Variants in LANCL3 observed in about 807,000 individuals in gnomAD.
LANCL3 encodes LanC like family member 3, also known as lanC-like protein 3.
Under a neutral mutation model 26.5 loss-of-function variants are expected in LANCL3, and 19 were observed. That is an observed-to-expected ratio of 0.72 (90% CI 0.50 to 1.05). The LOEUF (loss-of-function observed/expected upper bound fraction) is 1.05, where lower values mean the gene tolerates loss of function less well. LANCL3 is among the 50% of genes least tolerant of loss of function. The probability of loss-of-function intolerance (pLI) is 0.00; values close to 1 mark genes in which losing one functional copy is unlikely to be tolerated. For synonymous variants in LANCL3, 160 were observed against 166.6 expected (o/e 0.96, Z 0.30); for missense variants, 318 against 362.7 (o/e 0.88, Z 1.00).
rs782776009 is a variant in LANCL3, at chrX:37,574,917, A to G, written c.573+2474A>G. Among the ~76,000 whole-genome samples, 278 of 105,372 alleles carry G rather than the reference A, an allele frequency of 2.6e-3. 1 individual carries two copies. The highest frequency in any genetic ancestry group is 6.5e-3 in the African/African-American group (188 of 29,036). The allele number at this position is 105,372 out of a possible 115,157, so 91.5% of individuals were successfully genotyped here. On this transcript the variant is annotated intron_variant, in intron 1 of 4. Transcript: ENST00000378619. ...TGTGTGTGTGTGTGTGTGTGTATGT[A>G]TATATATATATATATAATTTTTTTT...
chrX:37,606,011 TG>T (rs1924705268), intron 1 of LANCL3, among the ~76,000 whole-genome samples: 1 of 111,838 alleles, frequency 8.9e-6, no homozygotes, highest in Non-Finnish European at 1.9e-5. Context: ...AGGACTCATA[TG>T]GTTATAGCCA....
chrX:37,610,150 A>G (rs1569464245), intron 1 of LANCL3, among the ~76,000 whole-genome samples: 1 of 112,024 alleles, frequency 8.9e-6, no homozygotes, highest in African/African-American at 3.2e-5. Context: ...GCTCATTCAC[A>G]TGGGTGGCAA....
chrX:37,618,139 C>G (rs1164232621), intron 1 of LANCL3, among the ~76,000 whole-genome samples: 4 of 112,096 alleles, frequency 3.6e-5, no homozygotes, highest in Admixed American at 1.9e-4. Context: ...CAGGAGGCCA[C>G]AAGGCATTCA....
chrX:37,588,686 T>C (rs112089752), intron 1 of LANCL3, among the ~76,000 whole-genome samples: 2,041 of 111,781 alleles, frequency 0.018, 67 homozygotes, highest in African/African-American at 0.064. Flanking sequence ...TCTGAATAGC[T>C]TTAACCATTC....
chrX:37,588,184 T>G (rs1168611545), intron 1 of LANCL3, among the ~76,000 whole-genome samples: 2 of 112,094 alleles, frequency 1.8e-5, no homozygotes, highest in East Asian at 5.6e-4. Context: ...ACACTTTTGC[T>G]GGTTAATTTA....
intron 3 of LANCL3, among the ~76,000 whole-genome samples, chrX:37,662,915 G>T (rs1926457447): frequency 9.1e-6 from 1 of 109,815 alleles, no homozygotes; most frequent in African/African-American, 3.3e-5. Context: ...GTTTTGCGAG[G>T]TCACTTCCAT....
intron 1 of LANCL3, among the ~76,000 whole-genome samples, chrX:37,583,567 C>G (rs1185489448): frequency 1.8e-5 from 2 of 111,625 alleles, no homozygotes; most frequent in African/African-American, 6.5e-5. Flanking sequence ...GTATTTTATT[C>G]TCTTTGAAGC....
intron 1 of LANCL3, among the ~76,000 whole-genome samples, chrX:37,647,329 AAAAAAC>A (rs1330342079): frequency 3.6e-5 from 4 of 109,744 alleles, no homozygotes; most frequent in African/African-American, 1.4e-4. Context: ...CAAAAAAACA[AAAAAAC>A]AAAACAAAAC....
chrX:37,596,275 A>T (rs1213396967), intron 1 of LANCL3, among the ~76,000 whole-genome samples: 1 of 112,440 alleles, frequency 8.9e-6, no homozygotes, highest in African/African-American at 3.2e-5. Context: ...TTGAACAAAG[A>T]TAACTCCCTA....
At chrX:37,633,160 T>A (rs370066622) in intron 1 of LANCL3, among the ~76,000 whole-genome samples, 3 of 109,990 alleles carry the variant, frequency 2.7e-5, no homozygotes, top group Admixed American at 9.7e-5. Flanking sequence ...TTTTTTTTTT[T>A]TTATTCTTTT....
chrX:37,655,627 T>C lies in LANCL3; in HGVS notation c.574-61T>C, dbSNP rs189382584. 11 of 1,031,702 alleles carry C rather than the reference T, an allele frequency of 1.1e-5. No homozygotes were observed. In the Admixed American group the frequency reaches 3.7e-4, roughly 34 times the overall value. The allele number at this position is 1,031,702 out of a possible 1,213,427, so 85.0% of individuals were successfully genotyped here. On this transcript the variant is annotated intron_variant, in intron 1 of 4. Coordinates refer to ENST00000378619, the MANE Select transcript of LANCL3 (RefSeq NM_001170331.2). The stretch of plus-strand genomic sequence containing the variant: ...TGCTAGACTTCTTAAGCAAGAAAAT[T>C]CAGTGTCTAAGGAAAAAGGAGATCC...
chrX:37,636,891 T>C (rs1287680367), intron 1 of LANCL3, among the ~76,000 whole-genome samples: 4 of 112,388 alleles, frequency 3.6e-5, no homozygotes, highest in Non-Finnish European at 5.6e-5. Flanking sequence ...TATATTGAAA[T>C]AATAGTTATC....
intron 1 of LANCL3, among the ~76,000 whole-genome samples, chrX:37,641,943 T>G (rs1925874838): frequency 9.0e-6 from 1 of 111,665 alleles, no homozygotes; most frequent in South Asian, 3.8e-4. Context: ...AAAGTGACTT[T>G]TAAGGATTTG....
At chrX:37,585,931 G>A (rs1470757427) in intron 1 of LANCL3, among the ~76,000 whole-genome samples, 1 of 111,750 alleles carries the variant, frequency 8.9e-6, no homozygotes, top group East Asian at 2.8e-4. Flanking sequence ...ACAGTGGCTG[G>A]TACCGGTTGT....
At chrX:37,607,579 C>T (rs963905141) in intron 1 of LANCL3, among the ~76,000 whole-genome samples, 26 of 112,576 alleles carry the variant, frequency 2.3e-4, no homozygotes, top group African/African-American at 7.7e-4. Context: ...AAACAAATAT[C>T]ATAGTACCAG....
intron 1 of LANCL3, among the ~76,000 whole-genome samples, chrX:37,604,438 C>T (rs947065307): frequency 1.3e-4 from 15 of 111,977 alleles, no homozygotes; most frequent in African/African-American, 3.9e-4. Context: ...ATTACTGGTG[C>T]GTAACAAACG....
chrX:37,635,525 A>C (rs1323581378), intron 1 of LANCL3, among the ~76,000 whole-genome samples: 2 of 111,500 alleles, frequency 1.8e-5, no homozygotes, highest in Non-Finnish European at 3.8e-5. Flanking sequence ...AGGTAAGCAT[A>C]GTCTTTTTGT....
chrX:37,596,000 T>C (rs782094016), intron 1 of LANCL3, among the ~76,000 whole-genome samples: 2 of 112,105 alleles, frequency 1.8e-5, no homozygotes, highest in Non-Finnish European at 3.8e-5. Context: ...ATTATATATG[T>C]ATGGAAGAGT....
chrX:37,653,390 A>G (rs1926205725), intron 1 of LANCL3, among the ~76,000 whole-genome samples: 1 of 112,344 alleles, frequency 8.9e-6, no homozygotes, highest in Admixed American at 9.4e-5. Flanking sequence ...GAAAAATTTT[A>G]GTAGTGCAAA....
Sources: gnomAD v4.1 joint callset for allele counts (sites outside exome capture counted in the v4.1 genomes callset) on GRCh38, gnomAD v4.1.1 for gene constraint, MANE v1.5 for transcripts, NCBI Gene and HGNC (gene_info 2026-07-23, HGNC 2026-07-21) for gene names.